Variants in ANK3 observed in about 807,000 individuals in gnomAD.
The protein encoded by ANK3 is ankyrin 3.
ANK3 carries 57 observed loss-of-function variants against 370.9 expected under a neutral mutation model. The ratio of observed to expected loss-of-function variants is 0.15; its 90% CI spans 0.12 to 0.19. The LOEUF is 0.19. Among genes scored for constraint, ANK3 ranks in the 10% least tolerant of loss-of-function variants. ANK3 has a pLI of 1.00. For missense variants in ANK3, 4,439 were observed against 5,302.1 expected (o/e 0.84, Z 5.06); for synonymous variants, 1,929 against 1,946.3 (o/e 0.99, Z 0.23).
chr10:60,543,356 A>T (rs1362168296), intron 2 of ANK3, among the ~76,000 whole-genome samples: 2 of 152,102 alleles, frequency 1.3e-5, no homozygotes, highest in Middle Eastern at 3.2e-3. Context: ...TACATATAAG[A>T]TATTTACTGC....
At chr10:60,711,962 T>C (rs1260161205) in intron 1 of ANK3, among the ~76,000 whole-genome samples, 1 of 152,162 alleles carries the variant, frequency 6.6e-6, no homozygotes, top group Non-Finnish European at 1.5e-5. Context: ...CAACCTATAG[T>C]TTCACTTCCA....
At chr10:60,183,597 G>A (rs961577510) in intron 17 of ANK3, among the ~76,000 whole-genome samples, 1 of 152,066 alleles carries the variant, frequency 6.6e-6, no homozygotes. Flanking sequence ...AGTGGCTCAC[G>A]TCTATAATCC....
chr10:60,676,342 A>C (rs2079125387), intron 1 of ANK3, among the ~76,000 whole-genome samples: 1 of 152,202 alleles, frequency 6.6e-6, no homozygotes, highest in South Asian at 2.1e-4. Context: ...AAATTTTAAA[A>C]TATGAATTAG....
At chr10:60,475,822 A>G (rs2075048724) in intron 2 of ANK3, among the ~76,000 whole-genome samples, 1 of 152,204 alleles carries the variant, frequency 6.6e-6, no homozygotes, top group Non-Finnish European at 1.5e-5. Flanking sequence ...CATGGGACGG[A>G]GTCGCTTTCG....
At chr10:60,529,755 T>A (rs1443721749) in intron 2 of ANK3, among the ~76,000 whole-genome samples, 1 of 152,204 alleles carries the variant, frequency 6.6e-6, no homozygotes, top group African/African-American at 2.4e-5. Context: ...CAATATAGCA[T>A]TTAGACATTA....
intron 25 of ANK3, among the ~76,000 whole-genome samples, chr10:60,115,864 T>G (rs952291402): frequency 4.3e-4 from 66 of 152,296 alleles, no homozygotes; most frequent in African/African-American, 1.5e-3. Context: ...AAGTAGAAGC[T>G]GTATTTGAAA....
At chr10:60,459,955 G>A (rs909884248) in intron 2 of ANK3, among the ~76,000 whole-genome samples, 5 of 152,110 alleles carry the variant, frequency 3.3e-5, no homozygotes, top group African/African-American at 1.2e-4. Context: ...TTCAAAAGCA[G>A]AGTCGAGCAT....
chr10:60,092,621 G>GA (rs1326833730), intron 28 of ANK3, among the ~76,000 whole-genome samples: 1 of 151,672 alleles, frequency 6.6e-6, no homozygotes, highest in Non-Finnish European at 1.5e-5. Context: ...GTAACTATTA[G>GA]AAAAAAAAGG....
At chr10:60,059,719 G>A in intron 40 of ANK3, 1 of 1,613,180 alleles carries the variant, frequency 6.2e-7, no homozygotes, top group Non-Finnish European at 8.5e-7. Context: ...TTCTCCAACT[G>A]GCTCTCATCT....
In ANK3 at chr10:60,172,344, G is replaced by T; in HGVS notation, c.2442C>A (p.Thr814=). Residue 814 remains threonine, a synonymous_variant, in exon 21 of 44, where the codon ACC becomes ACA. Coordinates refer to ENST00000280772, the MANE Select transcript of ANK3 (RefSeq NM_020987.5). ...TGGTCTCTTCGGTCACTATCTTCAG[G>T]GTGTCCACTACTGAGATGTAGCCGA... ...RRLGYISVVD[T]LKIVTEETMT... 6.2e-7 allele frequency: 1 copy of T among 1,613,888 alleles called. No individual in the cohort carries two copies. The highest frequency in any genetic ancestry group is 8.5e-7 in the Non-Finnish European group (1 of 1,179,852).
At chr10:60,192,375 TAA>T (rs1249244433) in intron 16 of ANK3, among the ~76,000 whole-genome samples, 3 of 150,860 alleles carry the variant, frequency 2.0e-5, no homozygotes, top group African/African-American at 7.3e-5. Flanking sequence ...TACTCAGCTA[TAA>T]AGTCTTGTTT....
rs371199336 is a variant in ANK3 at position 60,352,022 on chromosome 10, C to T, written c.114+37403G>A. ...ATTAAAATAAATAGCAAGGCCAGCA[C>T]GCAGTGGCTCATGCTGATAATCCCA... On this transcript the variant is annotated intron_variant, in intron 1 of 43. Transcript: ENST00000280772. Among the ~76,000 whole-genome samples, 5 of 152,204 alleles carry T rather than the reference C, an allele frequency of 3.3e-5. 1 individual carries two copies. The East Asian group carries it at 7.7e-4, about 23-fold the overall frequency.
At chr10:60,261,136 T>G (rs920183213) in intron 7 of ANK3, among the ~76,000 whole-genome samples, 2 of 152,182 alleles carry the variant, frequency 1.3e-5, no homozygotes, top group East Asian at 3.9e-4. Flanking sequence ...GGGAAAAAAG[T>G]GAAAGCCAAA....
At chr10:60,696,456 G>T (rs1156611789) in intron 1 of ANK3, among the ~76,000 whole-genome samples, 2 of 151,290 alleles carry the variant, frequency 1.3e-5, no homozygotes, top group Admixed American at 1.3e-4. Flanking sequence ...CCAAAAAAGA[G>T]AATTTTAGAC....
At chr10:60,049,790 A>G (rs911322291) in intron 42 of ANK3, among the ~76,000 whole-genome samples, 2 of 152,202 alleles carry the variant, frequency 1.3e-5, no homozygotes, top group African/African-American at 4.8e-5. Flanking sequence ...GAATTCTAGG[A>G]GACCAAAGGA....
chr10:60,113,191 TG>T (rs781239071), intron 26 of ANK3, among the ~76,000 whole-genome samples: 66 of 152,042 alleles, frequency 4.3e-4, no homozygotes, highest in Non-Finnish European at 6.3e-4. Context: ...GACACTGGTA[TG>T]TTTTTTTTTT....
chr10:60,088,733 A>G (rs1342758470), intron 28 of ANK3, among the ~76,000 whole-genome samples: 1 of 152,242 alleles, frequency 6.6e-6, no homozygotes, highest in Non-Finnish European at 1.5e-5. Flanking sequence ...GCAATACATC[A>G]TTTTAATAGT....
At chr10:60,296,908 A>G (rs1484260238) in intron 1 of ANK3, among the ~76,000 whole-genome samples, 1 of 152,208 alleles carries the variant, frequency 6.6e-6, no homozygotes, top group Non-Finnish European at 1.5e-5. Context: ...TGAACCTGGG[A>G]GTTCAAGGCT....
intron 42 of ANK3, chr10:60,053,588 G>A: frequency 2.9e-6 from 3 of 1,039,826 alleles, no homozygotes; most frequent in Admixed American, 3.2e-5. Context: ...ATTGGTAAAG[G>A]GGAAAACAAG....
Sources: gnomAD v4.1 joint callset for allele counts (sites outside exome capture counted in the v4.1 genomes callset) on GRCh38, gnomAD v4.1.1 for gene constraint, MANE v1.5 for transcripts, NCBI Gene and HGNC (gene_info 2026-07-23, HGNC 2026-07-21) for gene names.